The following METTL2B variants were observed in gnomAD, a reference collection of about 807,000 sequenced individuals.
METTL2B encodes the protein tRNA N(3)-cytidine methyltransferase METTL2B.
METTL2B carries 28 observed loss-of-function variants against 51.0 expected under a neutral mutation model. The ratio of observed to expected loss-of-function variants is 0.55; its 90% confidence interval spans 0.41 to 0.75. METTL2B has a LOEUF of 0.75. Among genes scored for constraint, METTL2B ranks in the 30% least tolerant of loss-of-function variants. METTL2B has a pLI of 0.00. For synonymous variants in METTL2B, 128 were observed against 166.3 expected, an observed-to-expected ratio of 0.77 and a Z score of 1.77; for missense variants, 313 against 460.7, an observed-to-expected ratio of 0.68 and a Z score of 2.93.
chr7:128,497,125 G>A (rs1005637941), intron 6 of METTL2B, among the ~76,000 whole-genome samples: 1 of 152,086 alleles, frequency 6.6e-6, no homozygotes, highest in African/African-American at 2.4e-5. Flanking sequence ...GGTGAAGTTT[G>A]TAGCATTTAG....
rs1294400522 is a variant in METTL2B, at chr7:128,503,755, T to A, written c.*1839T>A. ...GCTCACGCCTATAATCCCAGCACTT[T>A]GGGAGGCTGAGGTGGGCAGATCACT... On this transcript the variant is annotated 3_prime_UTR_variant, in exon 9 of 9. Transcript: ENST00000262432. 6.6e-6 allele frequency: 1 copy of A among 152,256 alleles called. No homozygotes were observed. Among genetic ancestry groups the A allele is most frequent in the Non-Finnish European group, 1.5e-5 (1 of 68,066 alleles). 9.4% of individuals were successfully genotyped at this position (152,256 alleles called of 1,614,324 possible). A position where few individuals can be genotyped will look rare whatever the true frequency, so the allele number is the denominator to read the frequency against.
chr7:128,489,168 C>T (rs1004402422), intron 5 of METTL2B, among the ~76,000 whole-genome samples: 2 of 151,866 alleles, frequency 1.3e-5, no homozygotes, highest in African/African-American at 2.4e-5. Flanking sequence ...AATGGCTTAA[C>T]GCCTGTCATC....
intron 6 of METTL2B, 108 bp from the exon 7 acceptor site, chr7:128,497,928 T>C: frequency 1.9e-6 from 2 of 1,042,782 alleles, no homozygotes; most frequent in South Asian, 1.5e-5. Flanking sequence ...ATCTCAGACT[T>C]GGTGTGTCAG....
intron 3 of METTL2B, 45 bp downstream of exon 3, chr7:128,479,558 A>G: frequency 1.9e-6 from 3 of 1,581,282 alleles, no homozygotes; most frequent in Non-Finnish European, 2.6e-6. Context: ...AAGCTATTAT[A>G]TTTGTGCACA....
chr7:128,493,701 C>T (rs1584795410), intron 5 of METTL2B, 103 bp from the exon 6 acceptor site: 1 of 1,464,878 alleles, frequency 6.8e-7, no homozygotes, highest in African/African-American at 1.4e-5. Flanking sequence ...GATCCCTCTT[C>T]GTGAAGTAGC....
chr7:128,485,486 A>AC (rs1792684233), intron 4 of METTL2B, among the ~76,000 whole-genome samples: 1 of 151,932 alleles, frequency 6.6e-6, no homozygotes, highest in South Asian at 2.1e-4. Context: ...ACACAGTGAA[A>AC]CCCCGTCTCC....
At position 128,484,232 on chromosome 7, in the gene METTL2B, T is replaced by TTTTTTTTTTTGTTTTTTTTTTTTTG. The variant is rs1554428851; in HGVS notation, c.608+3546_608+3547insGTTTTTTTTTTTTTGTTTTTTTTTT. The TTTTTTTTTTTGTTTTTTTTTTTTTG allele has an allele frequency of 3.1e-4, 26 of 83,564 alleles. 1 individual carries two copies. Among genetic ancestry groups the TTTTTTTTTTTGTTTTTTTTTTTTTG allele is most frequent in the Non-Finnish European group, 4.0e-4 (18 of 44,818 alleles). The allele number at this position is 83,564 out of a possible 1,614,324, so 5.2% of individuals were successfully genotyped here. ...TGCCTAGATCCTTTTTTTTTTTTTT[T>TTTTTTTTTTTGTTTTTTTTTTTTTG]TTTTTTTTTTTTTGAGACAGGATTT... On this transcript the variant is annotated intron_variant, in intron 4 of 8. Transcript: ENST00000262432.
At chr7:128,496,612 A>G (rs1358084453) in intron 6 of METTL2B, among the ~76,000 whole-genome samples, 1 of 152,146 alleles carries the variant, frequency 6.6e-6, no homozygotes, top group Non-Finnish European at 1.5e-5. Flanking sequence ...ACATGGACTA[A>G]AACAAATTAT....
rs764272437 is a variant in METTL2B at position 128,476,839 on chromosome 7, T to C, written c.74T>C (p.Leu25Pro). 5 of 1,614,088 alleles carry C rather than the reference T, an allele frequency of 3.1e-6. No individual in the cohort carries two copies. In the East Asian group the frequency reaches 6.7e-5, roughly 22 times the overall value. ...AGGCAGCAGTTCGGAAGCCGGTTCC[T>C]GAGCGATCCGGCGCGCGTCTTCCAC... ...DKRQQFGSRF[L>P]SDPARVFHHN... The change falls in exon 1 of 9, where the codon CTG (leucine) becomes CCG (proline). Residue 25 changes from leucine to proline, a missense_variant. Leu to Pro is a moderately conservative substitution (Grantham distance 98). Transcript: ENST00000262432.
intron 4 of METTL2B, among the ~76,000 whole-genome samples, chr7:128,481,482 C>T (rs1280330411): frequency 6.6e-6 from 1 of 152,190 alleles, no homozygotes; most frequent in Non-Finnish European, 1.5e-5. Context: ...ACTTTACTTA[C>T]ATTTATGTGT....
intron 8 of METTL2B, chr7:128,501,508 G>C: frequency 1.0e-6 from 1 of 985,338 alleles, no homozygotes; most frequent in Non-Finnish European, 1.2e-6. Flanking sequence ...TAAATTTTAA[G>C]GTGTTCATAG....
Position 128,501,962 on chromosome 7 carries a change from C to CT in METTL2B, c.*52dup, listed in dbSNP as rs764536619. The CT allele has an allele frequency of 8.4e-5, 134 of 1,602,184 alleles. No individual in the cohort carries two copies. The highest frequency in any genetic ancestry group is 1.0e-4 in the Non-Finnish European group (123 of 1,173,024). On this transcript the variant is annotated 3_prime_UTR_variant, in exon 9 of 9. Coordinates refer to ENST00000262432, the MANE Select transcript of METTL2B (RefSeq NM_018396.3). Reference sequence around the variant, plus strand: ...GATGCAAGCCCGTTGTGTTTCCGAGCTTTTTTAAAAAAAAATTTGTAGCAC... The same window carrying CT: ...GATGCAAGCCCGTTGTGTTTCCGAGCTTTTTTTAAAAAAAAATTTGTAGCAC...
At position 128,498,042 on chromosome 7, in the gene METTL2B, G is replaced by A. The variant is rs369351859; in HGVS notation, c.816G>A (p.Gln272=). ...ATTCCCTGTGTCTCCACAGGATGCA[G>A]AAGGCTATCAACAGGCTGAGCAGGC... ...VLSAVVPDKM[Q]KAINRLSRLL... The change falls in exon 7 of 9, where the codon CAG becomes CAA. Residue 272 remains glutamine, a synonymous_variant. Transcript: ENST00000262432. 3.7e-6 allele frequency: 6 copies of A among 1,613,850 alleles called. No individual in the cohort carries two copies. The highest frequency in any genetic ancestry group is 5.1e-6 in the Non-Finnish European group (6 of 1,179,826).
rs555607752 is a variant in METTL2B at position 128,499,685 on chromosome 7, A to AT, written c.917-1211dup. Among the ~76,000 whole-genome samples, 5 of 134,800 alleles carry AT rather than the reference A, an allele frequency of 3.7e-5. 1 individual carries two copies. Among genetic ancestry groups the AT allele is most frequent in the African/African-American group, 1.3e-4 (5 of 37,640 alleles). 88.4% of individuals were successfully genotyped at this position (134,800 alleles called of 152,430 possible). A position where few individuals can be genotyped will look rare whatever the true frequency, so the allele number is the denominator to read the frequency against. On this transcript the variant is annotated intron_variant, in intron 7 of 8. Transcript: ENST00000262432. The stretch of plus-strand genomic sequence containing the variant: ...AGGCATGTGCCACCACGCCTGGCTA[A>AT]TTTTTTTGTATTTTTAGTAGAGACA...
rs1799804320 is a variant in METTL2B, at chr7:128,476,775, TCCTACCC to T, written c.11_17del (p.Ser4LeufsTer20). 5 of 1,614,040 alleles carry T rather than the reference TCCTACCC, an allele frequency of 3.1e-6. No individual in the cohort carries two copies. In the African/African-American group the frequency reaches 4.0e-5, roughly 13 times the overall value. Reference sequence around the variant, plus strand: ...TTCCGGCTCCGGTGTCATGGCCGGCTCCTACCCTGAAGGTGCACCTGCAATCCTCGCC... The same window carrying T: ...TTCCGGCTCCGGTGTCATGGCCGGCTTGAAGGTGCACCTGCAATCCTCGCC... On this transcript the variant is annotated frameshift_variant, in exon 1 of 9. Coordinates refer to ENST00000262432, the MANE Select transcript of METTL2B (RefSeq NM_018396.3). LOFTEE classifies it high-confidence loss of function.
At chr7:128,499,517 CTTTT>C (rs1297101344) in intron 7 of METTL2B, among the ~76,000 whole-genome samples, 4 of 119,904 alleles carry the variant, frequency 3.3e-5, no homozygotes, top group African/African-American at 6.4e-5. Flanking sequence ...TATTAACAGC[CTTTT>C]TTTTTTTTTT....
intron 1 of METTL2B, 65 bp downstream of exon 1, chr7:128,476,940 C>T (rs1196760984): frequency 2.9e-6 from 4 of 1,401,772 alleles, no homozygotes; most frequent in East Asian, 2.5e-5. Context: ...CGGAGCATTC[C>T]GAAAAGCCCC....
At chr7:128,484,232 T>TTTGTTTTTTTTG in intron 4 of METTL2B, 1 of 83,572 alleles carries the variant, frequency 1.2e-5, no homozygotes, top group East Asian at 4.0e-4. Context: ...TTTTTTTTTT[T>TTTGTTTTTTTTG]TTTTTTTTTT....
At chr7:128,487,537 T>G (rs1409352465) in intron 4 of METTL2B, among the ~76,000 whole-genome samples, 1 of 152,248 alleles carries the variant, frequency 6.6e-6, no homozygotes, top group Non-Finnish European at 1.5e-5. Flanking sequence ...CTGAGACTTG[T>G]GCTAGATAGT....
Sources: gnomAD v4.1 joint callset for allele counts (sites outside exome capture counted in the v4.1 genomes callset) on GRCh38, gnomAD v4.1.1 for gene constraint, MANE v1.5 for transcripts, NCBI Gene and HGNC (gene_info 2026-07-23, HGNC 2026-07-21) for gene names.